SLC25A26: variants seen among roughly 807,000 people sequenced by gnomAD.
SLC25A26 encodes the protein solute carrier family 25 member 26, also known as mitochondrial S-adenosylmethionine carrier protein.
SLC25A26 carries 36 observed loss-of-function variants against 37.8 expected under a neutral mutation model. The ratio of observed to expected loss-of-function variants is 0.95; its 90% CI spans 0.73 to 1.26. SLC25A26 has a LOEUF of 1.26. Among genes scored for constraint, SLC25A26 ranks in the 50% most tolerant of loss-of-function variants. The pLI is 0.00. For missense variants in SLC25A26, 390 were observed against 331.1 expected (o/e 1.18, Z -1.38); for synonymous variants, 129 against 122.5 (o/e 1.05, Z -0.35).
At chr3:66,328,799 A>G (rs2075900976) in intron 5 of SLC25A26, among the ~76,000 whole-genome samples, 1 of 151,994 alleles carries the variant, frequency 6.6e-6, no homozygotes, top group Non-Finnish European at 1.5e-5. Flanking sequence ...TTAAGTTTCT[A>G]TTTGTTGTCT....
At chr3:66,180,007 C>G (rs542112792) in intron 1 of SLC25A26, among the ~76,000 whole-genome samples, 1 of 149,178 alleles carries the variant, frequency 6.7e-6, no homozygotes, top group East Asian at 2.0e-4. Context: ...CATGTGCCGC[C>G]AGGAATAGGG....
rs1372577169 is a variant in SLC25A26, at chr3:66,190,256, A to G, written c.-353-30486A>G. ...ATTGAGCTTGGGAGGTAAAGGTTGC[A>G]GTGAGCTGAGATTGCACCACTGCAC... On this transcript the variant is annotated intron_variant, in intron 1 of 10. Transcript: ENST00000676754. 3.3e-5 allele frequency among the ~76,000 whole-genome samples: 5 copies of G among 151,852 alleles called. No homozygotes were observed. The East Asian group carries it at 9.7e-4, about 30-fold the overall frequency.
intron 6 of SLC25A26, among the ~76,000 whole-genome samples, chr3:66,360,335 A>C (rs191789940): frequency 1.1e-3 from 161 of 152,250 alleles, no homozygotes; most frequent in African/African-American, 3.6e-3. Flanking sequence ...TTTTGTTAAT[A>C]TTTGTGGTCA....
chr3:66,301,508 T>C (rs2075075426), intron 5 of SLC25A26, among the ~76,000 whole-genome samples: 2 of 152,186 alleles, frequency 1.3e-5, no homozygotes, highest in Non-Finnish European at 2.9e-5. Context: ...AGTATTTTTA[T>C]GTAAGCAGAA....
intron 6 of SLC25A26, among the ~76,000 whole-genome samples, chr3:66,348,282 A>AC (rs1328566847): frequency 2.0e-5 from 3 of 152,230 alleles, no homozygotes; most frequent in African/African-American, 2.4e-5. Context: ...CATTTTAAAG[A>AC]CCATAATCAA....
intron 5 of SLC25A26, among the ~76,000 whole-genome samples, chr3:66,266,662 A>G (rs1195300567): frequency 1.4e-5 from 2 of 140,610 alleles, no homozygotes; most frequent in Non-Finnish European, 3.0e-5. Flanking sequence ...TATTTTAGTT[A>G]CTGTGAATTT....
At chr3:66,369,402 G>A (rs1342939095) in intron 7 of SLC25A26, 76 bp from the exon 8 acceptor site, 72 of 1,246,274 alleles carry the variant, frequency 5.8e-5, no homozygotes, top group Non-Finnish European at 1.1e-5. Flanking sequence ...GATTTGGGCA[G>A]AGTCAGGAAT....
intron 5 of SLC25A26, among the ~76,000 whole-genome samples, chr3:66,337,665 T>C (rs535862756): frequency 2.6e-5 from 4 of 152,122 alleles, no homozygotes; most frequent in Non-Finnish European, 5.9e-5. Flanking sequence ...CAGTTAACTT[T>C]GGTTGAACTT....
chr3:66,138,243 T>C (rs1415042246), intron 1 of SLC25A26, among the ~76,000 whole-genome samples: 2 of 152,138 alleles, frequency 1.3e-5, no homozygotes, highest in Non-Finnish European at 2.9e-5. Context: ...ATCAAAGCTG[T>C]TCAATGTATA....
At chr3:66,201,655 TA>T (rs2071111809) in intron 1 of SLC25A26, among the ~76,000 whole-genome samples, 1 of 152,198 alleles carries the variant, frequency 6.6e-6, no homozygotes, top group Admixed American at 6.5e-5. Context: ...TCTAGATAGA[TA>T]GACTCTGTTT....
At chr3:66,361,688 G>T (rs560664382) in intron 6 of SLC25A26, among the ~76,000 whole-genome samples, 20 of 152,286 alleles carry the variant, frequency 1.3e-4, no homozygotes, top group African/African-American at 4.6e-4. Flanking sequence ...CACAATGAAG[G>T]CACGGTGGCT....
intron 7 of SLC25A26, among the ~76,000 whole-genome samples, chr3:66,366,767 A>G (rs551446669): frequency 2.0e-5 from 3 of 152,200 alleles, no homozygotes; most frequent in African/African-American, 4.8e-5. Context: ...CAATTGGACA[A>G]ATTTTAATTT....
intron 1 of SLC25A26, among the ~76,000 whole-genome samples, chr3:66,167,575 G>A (rs547693480): frequency 5.8e-4 from 89 of 152,234 alleles, no homozygotes; most frequent in African/African-American, 2.0e-3. Context: ...AACTATAATA[G>A]TTATTATAAG....
chr3:66,223,389 G>T (rs2071590695), intron 1 of SLC25A26, among the ~76,000 whole-genome samples: 1 of 152,132 alleles, frequency 6.6e-6, no homozygotes, highest in Admixed American at 6.5e-5. Flanking sequence ...GTATGGGAGG[G>T]GTAGGCAAAG....
At chr3:66,282,654 C>G (rs1306680054) in intron 5 of SLC25A26, among the ~76,000 whole-genome samples, 3 of 152,126 alleles carry the variant, frequency 2.0e-5, no homozygotes, top group Admixed American at 2.0e-4. Context: ...TTCATCTTTC[C>G]CATTTCATAT....
chr3:66,274,131 G>C (rs570741295), intron 5 of SLC25A26, among the ~76,000 whole-genome samples: 2,236 of 150,822 alleles, frequency 0.015, 63 homozygotes, highest in African/African-American at 0.05. Flanking sequence ...ACAAACCTGA[G>C]AAAAACAAGC....
chr3:66,209,711 A>G (rs1300616981), intron 1 of SLC25A26, among the ~76,000 whole-genome samples: 1 of 138,534 alleles, frequency 7.2e-6, no homozygotes, highest in Non-Finnish European at 1.5e-5. Flanking sequence ...ATATATAGAT[A>G]TATATATTTT....
rs7631786 is a variant in SLC25A26 at position 66,311,094 on chromosome 3, G to A, written c.454-35270G>A. On this transcript the variant is annotated intron_variant, in intron 5 of 9. Transcript: ENST00000354883. Reference sequence around the variant, plus strand: ...AATATCCTCAAGTGTGTTTTCCAACGTGGTTCCATTCTCCCTGTCACTTTC... The same window carrying A: ...AATATCCTCAAGTGTGTTTTCCAACATGGTTCCATTCTCCCTGTCACTTTC... Among the ~76,000 whole-genome samples the A allele has an allele frequency of 5.9e-5, 9 of 151,870 alleles. No homozygotes were observed. The East Asian group carries it at 1.2e-3, about 20-fold the overall frequency.
At chr3:66,341,310 T>C (rs896977913) in intron 5 of SLC25A26, among the ~76,000 whole-genome samples, 1 of 151,418 alleles carries the variant, frequency 6.6e-6, no homozygotes, top group Non-Finnish European at 1.5e-5. Context: ...ATTTAAATAC[T>C]TCTTAAAAAC....
Sources: allele counts gnomAD v4.1 joint callset (sites outside exome capture counted in the v4.1 genomes callset), GRCh38; gene constraint gnomAD v4.1.1; transcripts MANE v1.5; gene names NCBI Gene and HGNC (gene_info 2026-07-23, HGNC 2026-07-21).